MAP7: variants seen among roughly 807,000 people sequenced by gnomAD.
MAP7 encodes the protein ensconsin.
Under a neutral mutation model 94.8 loss-of-function variants are expected in MAP7, and 52 were observed. That is an observed-to-expected ratio of 0.55 (90% CI 0.44 to 0.69). MAP7 has a LOEUF of 0.69. Ranked by LOEUF, MAP7 falls within the 30% of genes least tolerant of loss-of-function variation. The pLI is 0.00. For synonymous variants in MAP7, 350 were observed against 357.0 expected (o/e 0.98, Z 0.22); for missense variants, 940 against 964.6 (o/e 0.97, Z 0.34).
At chr6:136,485,744 A>G (rs985447243) in intron 1 of MAP7, among the ~76,000 whole-genome samples, 4 of 151,572 alleles carry the variant, frequency 2.6e-5, no homozygotes, top group Non-Finnish European at 5.9e-5. Context: ...TTGTATTTTT[A>G]GTAGAGACGG....
At chr6:136,501,547 T>C (rs1819827190) in intron 1 of MAP7, among the ~76,000 whole-genome samples, 1 of 152,242 alleles carries the variant, frequency 6.6e-6, no homozygotes, top group Non-Finnish European at 1.5e-5. Context: ...ATTATAATGC[T>C]GGAAATGGAA....
Position 136,393,394 on chromosome 6 carries a change from T to C in MAP7, c.245-3877A>G, listed in dbSNP as rs188512561. ...TGTGTGGGGGGAAGGGGAAAATGTC[T>C]AGTTCAAACGCAGATTCCAGAGCTC... On this transcript the variant is annotated intron_variant, in intron 3 of 17. Transcript: ENST00000354570. 3.2e-4 allele frequency among the ~76,000 whole-genome samples: 48 copies of C among 152,284 alleles called. No homozygotes were observed. In the East Asian group the frequency reaches 7.1e-3, roughly 23 times the overall value.
chr6:136,381,160 T>C (rs180789598), intron 6 of MAP7, among the ~76,000 whole-genome samples: 65 of 152,342 alleles, frequency 4.3e-4, no homozygotes, highest in African/African-American at 1.5e-3. Context: ...TGGAATTACT[T>C]AAATTTCTTT....
chr6:136,456,846 AGAG>A lies in MAP7; in HGVS notation c.68-35050_68-35048del, dbSNP rs200470712. 7.0e-3 allele frequency among the ~76,000 whole-genome samples: 895 copies of A among 127,290 alleles called. 45 individuals carry two copies. Among genetic ancestry groups the A allele is most frequent in the Non-Finnish European group, 0.01 (587 of 56,224 alleles). 83.5% of individuals were successfully genotyped at this position (127,290 alleles called of 152,430 possible). On this transcript the variant is annotated intron_variant, in intron 1 of 17. Coordinates refer to ENST00000354570, the MANE Select transcript of MAP7 (RefSeq NM_003980.6). ...AGGAAGAAGAAGAAGAAGAAGAAGA[AGAG>A]GAAGAAGAAGAAGAAGAAGAAGAAA...
intron 1 of MAP7, among the ~76,000 whole-genome samples, chr6:136,445,762 A>T (rs116184866): frequency 1.3e-5 from 2 of 152,236 alleles, no homozygotes; most frequent in Admixed American, 6.5e-5. Context: ...TACAGGAGGC[A>T]CACTCATCTA....
intron 1 of MAP7, among the ~76,000 whole-genome samples, chr6:136,436,510 G>T (rs950702094): frequency 5.9e-5 from 9 of 151,654 alleles, no homozygotes. Flanking sequence ...CTCCCAAGTA[G>T]CTGGGACTAC....
At chr6:136,350,351 C>T (rs1247582848) in intron 16 of MAP7, among the ~76,000 whole-genome samples, 1 of 152,110 alleles carries the variant, frequency 6.6e-6, no homozygotes, top group Non-Finnish European at 1.5e-5. Context: ...AAATAATGCA[C>T]TGAGATGAAA....
chr6:136,493,121 C>T (rs1263400614), intron 1 of MAP7, among the ~76,000 whole-genome samples: 90 of 123,276 alleles, frequency 7.3e-4, no homozygotes, highest in African/African-American at 2.2e-3. Context: ...TTCTTCTTTC[C>T]TTTTTTTTTT....
chr6:136,542,025 C>T (rs1283728267), intron 1 of MAP7, among the ~76,000 whole-genome samples: 1 of 152,166 alleles, frequency 6.6e-6, no homozygotes, highest in Non-Finnish European at 1.5e-5. Context: ...TGCCACTGCA[C>T]TCCAGCCTGG....
At chr6:136,446,900 A>G (rs1431374940) in intron 1 of MAP7, among the ~76,000 whole-genome samples, 1 of 152,224 alleles carries the variant, frequency 6.6e-6, no homozygotes, top group Non-Finnish European at 1.5e-5. Flanking sequence ...AATAACAGTC[A>G]AGGACAAAAA....
chr6:136,509,217 G>A (rs145435880), intron 1 of MAP7, among the ~76,000 whole-genome samples: 1 of 152,318 alleles, frequency 6.6e-6, no homozygotes, highest in East Asian at 1.9e-4. Flanking sequence ...TCAGGATTTA[G>A]TGAAATCCAG....
At chr6:136,545,052 A>G (rs1829619304) in intron 1 of MAP7, 1 of 152,228 alleles carries the variant, frequency 6.6e-6, no homozygotes, top group African/African-American at 2.4e-5. Context: ...CCTTTGACAC[A>G]TGCCCCTGCA....
At position 136,550,024 on chromosome 6, in the gene MAP7, G is replaced by A. The variant is rs1201874967; in HGVS notation, c.67+318C>T. On this transcript the variant is annotated intron_variant, in intron 1 of 17. Transcript: ENST00000354570. The surrounding 1 kb of genome is among the most constrained non-coding windows in gnomAD (Gnocchi z 5.1). ...ACTGAATTAGACCCGAGGCCGCGGC[G>A]GGGAGGGCAGCGGCCGGGGTCTCTC... Among the ~76,000 whole-genome samples, 1 of 152,114 alleles carries A rather than the reference G, an allele frequency of 6.6e-6. No homozygotes were observed. The highest frequency in any genetic ancestry group is 1.5e-5 in the Non-Finnish European group (1 of 68,000).
At chr6:136,502,240 C>A (rs139326027) in intron 1 of MAP7, among the ~76,000 whole-genome samples, 1 of 152,238 alleles carries the variant, frequency 6.6e-6, no homozygotes, top group African/African-American at 2.4e-5. Flanking sequence ...TGAAGAATCT[C>A]TTAGGAAGTG....
At chr6:136,491,402 A>C (rs1816558010) in intron 1 of MAP7, among the ~76,000 whole-genome samples, 1 of 152,170 alleles carries the variant, frequency 6.6e-6, no homozygotes, top group South Asian at 2.1e-4. Context: ...TCTTCTTCCT[A>C]GGACAAAGCT....
chr6:136,358,061 T>C (rs994085170), intron 15 of MAP7, among the ~76,000 whole-genome samples: 7 of 152,214 alleles, frequency 4.6e-5, no homozygotes, highest in Non-Finnish European at 1.5e-5. Flanking sequence ...AGAAGGGGAA[T>C]ATTTGTTAGG....
chr6:136,518,000 T>C (rs1360463280), intron 1 of MAP7, among the ~76,000 whole-genome samples: 1 of 152,178 alleles, frequency 6.6e-6, no homozygotes, highest in Non-Finnish European at 1.5e-5. Flanking sequence ...TCCAACTCTC[T>C]TCCCTCCTGC....
chr6:136,448,727 T>C (rs1481779701), intron 1 of MAP7, among the ~76,000 whole-genome samples: 1 of 152,062 alleles, frequency 6.6e-6, no homozygotes, highest in East Asian at 1.9e-4. Context: ...TATGAATTCT[T>C]ATAAAGGACT....
At chr6:136,425,820 T>C (rs145509173) in intron 1 of MAP7, among the ~76,000 whole-genome samples, 2 of 152,320 alleles carry the variant, frequency 1.3e-5, no homozygotes, top group African/African-American at 4.8e-5. Flanking sequence ...TCAAAGCTTA[T>C]GGGAGTTAGC....
Sources: allele counts gnomAD v4.1 joint callset (sites outside exome capture counted in the v4.1 genomes callset), GRCh38; gene constraint gnomAD v4.1.1; non-coding constraint Gnocchi (gnomAD v3.1); transcripts MANE v1.5; gene names NCBI Gene and HGNC (gene_info 2026-07-23, HGNC 2026-07-21).